Variants in RGS21 observed in about 807,000 individuals in gnomAD.
RGS21 encodes regulator of G protein signaling 21.
RGS21 carries 19 observed loss-of-function variants against 18.7 expected under a neutral mutation model. The observed-to-expected ratio is 1.01, with a 90% confidence interval of 0.71 to 1.49. The LOEUF (loss-of-function observed/expected upper bound fraction) is 1.49, where lower values mean the gene tolerates loss of function less well. RGS21 is among the 40% of genes most tolerant of loss of function. The pLI, the probability that RGS21 is intolerant of heterozygous loss-of-function variation, is 0.00. For synonymous variants in RGS21, 56 were observed against 57.8 expected, an observed-to-expected ratio of 0.97 and a Z score of 0.14; for missense variants, 194 against 176.8, an observed-to-expected ratio of 1.10 and a Z score of -0.55.
At chr1:192,337,495 C>T (rs924271926) in intron 1 of RGS21, among the ~76,000 whole-genome samples, 1 of 152,012 alleles carries the variant, frequency 6.6e-6, no homozygotes, top group Admixed American at 6.6e-5. Flanking sequence ...TCTCCCATGA[C>T]TGCTACTCTG....
chr1:192,331,479 G>A (rs1015411812), intron 1 of RGS21, among the ~76,000 whole-genome samples: 12 of 151,982 alleles, frequency 7.9e-5, no homozygotes, highest in South Asian at 4.2e-4. Flanking sequence ...CATGGGAGGC[G>A]GAGGTTGCAG....
Position 192,366,974 on chromosome 1 carries a change from C to A in RGS21, c.*850C>A, listed in dbSNP as rs1224936580. ...CTGATACTTGTTTATAAAACCCAAA[C>A]AATTTTTAAATGCATTTATTTTGAG... On this transcript the variant is annotated 3_prime_UTR_variant, in exon 5 of 5. Coordinates refer to ENST00000417209, the MANE Select transcript of RGS21 (RefSeq NM_001039152.3). 1 of 151,616 alleles carries A rather than the reference C, an allele frequency of 6.6e-6. No homozygotes were observed. Among genetic ancestry groups the A allele is most frequent in the Non-Finnish European group, 1.5e-5 (1 of 67,954 alleles). The allele number at this position is 151,616 out of a possible 1,614,324, so 9.4% of individuals were successfully genotyped here.
intron 4 of RGS21, among the ~76,000 whole-genome samples, chr1:192,354,082 A>G (rs1252381161): frequency 4.6e-5 from 7 of 151,658 alleles, no homozygotes; most frequent in African/African-American, 1.2e-4. Flanking sequence ...ACCGATTGCA[A>G]TCTTCAAGGT....
chr1:192,355,800 A>G (rs1659103492), intron 4 of RGS21, among the ~76,000 whole-genome samples: 1 of 151,164 alleles, frequency 6.6e-6, no homozygotes, highest in Non-Finnish European at 1.5e-5. Flanking sequence ...TCAGCTAAGA[A>G]ATTAACATAT....
At chr1:192,354,662 C>T (rs1659088074) in intron 4 of RGS21, among the ~76,000 whole-genome samples, 1 of 151,654 alleles carries the variant, frequency 6.6e-6, no homozygotes, top group African/African-American at 2.4e-5. Context: ...TGAGGATATT[C>T]TCAGTTTTTC....
At chr1:192,350,834 A>G (rs1041885545) in intron 3 of RGS21, among the ~76,000 whole-genome samples, 1 of 152,182 alleles carries the variant, frequency 6.6e-6, no homozygotes, top group African/African-American at 2.4e-5. Flanking sequence ...GCCAAAGAAA[A>G]ATGTTTCCTG....
intron 4 of RGS21, 71 bp from the exon 5 acceptor site, chr1:192,365,850 T>C (rs1367375600): frequency 6.3e-6 from 5 of 798,444 alleles, no homozygotes; most frequent in Non-Finnish European, 1.0e-5. Flanking sequence ...GAATTTTAAA[T>C]AATATATATG....
intron 1 of RGS21, among the ~76,000 whole-genome samples, chr1:192,321,382 ATAAACT>A (rs1160723713): frequency 6.6e-6 from 1 of 151,984 alleles, no homozygotes; most frequent in East Asian, 1.9e-4. Context: ...TAAGTGCCTA[ATAAACT>A]TAAAATGATT....
chr1:192,347,043 T>C (rs1557978981), intron 2 of RGS21, among the ~76,000 whole-genome samples: 1 of 152,198 alleles, frequency 6.6e-6, no homozygotes, highest in Non-Finnish European at 1.5e-5. Flanking sequence ...ACAGAACCGA[T>C]ATCTTTTATG....
In RGS21 at chr1:192,366,561, TG is replaced by T. The variant is rs1336687867; in HGVS notation, c.*438del. 1.3e-5 allele frequency: 2 copies of T among 152,662 alleles called. No individual in the cohort carries two copies. The highest frequency in any genetic ancestry group is 2.9e-5 in the Non-Finnish European group (2 of 68,432). 9.5% of individuals were successfully genotyped at this position (152,662 alleles called of 1,614,324 possible). ...CAAGCTTTCATTTAATATATTTAAC[TG>T]TTTTTTTTCTGCCATTTCTTTCCAA... On this transcript the variant is annotated 3_prime_UTR_variant, in exon 5 of 5. Coordinates refer to ENST00000417209, the MANE Select transcript of RGS21 (RefSeq NM_001039152.3).
intron 1 of RGS21, among the ~76,000 whole-genome samples, chr1:192,341,661 G>A (rs7555127): frequency 0.29 from 43,687 of 151,820 alleles, 7,185 homozygotes; most frequent in African/African-American, 0.44. Flanking sequence ...AAGCATGCTT[G>A]CAATTGCACT....
chr1:192,360,659 A>C (rs1314903186), intron 4 of RGS21, among the ~76,000 whole-genome samples: 1 of 152,000 alleles, frequency 6.6e-6, no homozygotes, highest in Non-Finnish European at 1.5e-5. Flanking sequence ...CGTTGGCCTC[A>C]GAATAAGTAA....
At chr1:192,344,487 C>T (rs1331988519) in intron 2 of RGS21, among the ~76,000 whole-genome samples, 1 of 152,054 alleles carries the variant, frequency 6.6e-6, no homozygotes, top group Admixed American at 6.6e-5. Context: ...TAAATGAAGT[C>T]TATGATATGC....
chr1:192,326,762 C>T (rs769536769), intron 1 of RGS21, among the ~76,000 whole-genome samples: 1 of 152,100 alleles, frequency 6.6e-6, no homozygotes, highest in Non-Finnish European at 1.5e-5. Context: ...ATATTCTTCC[C>T]AAACTTTGGA....
chr1:192,337,265 C>T (rs942710793), intron 1 of RGS21, among the ~76,000 whole-genome samples: 1 of 151,922 alleles, frequency 6.6e-6, no homozygotes, highest in Admixed American at 6.6e-5. Context: ...AATCATTCCT[C>T]TCAGTATGTC....
chr1:192,343,993 C>T (rs1321261950), intron 2 of RGS21, among the ~76,000 whole-genome samples: 1 of 151,966 alleles, frequency 6.6e-6, no homozygotes, highest in Non-Finnish European at 1.5e-5. Flanking sequence ...TCTTTCTTAA[C>T]ATTTATATAG....
At chr1:192,322,089 GC>G (rs1658505376) in intron 1 of RGS21, among the ~76,000 whole-genome samples, 1 of 152,098 alleles carries the variant, frequency 6.6e-6, no homozygotes, top group Admixed American at 6.6e-5. Context: ...GCAGGGGACT[GC>G]AGCTGATAAC....
chr1:192,331,462 G>A (rs373807152), intron 1 of RGS21, among the ~76,000 whole-genome samples: 3 of 151,924 alleles, frequency 2.0e-5, no homozygotes, highest in Non-Finnish European at 4.4e-5. Context: ...CAGGGGAATC[G>A]ATTGAACATG....
chr1:192,350,865 T>C (rs1659030986), intron 3 of RGS21, among the ~76,000 whole-genome samples: 1 of 152,010 alleles, frequency 6.6e-6, no homozygotes, highest in African/African-American at 2.4e-5. Flanking sequence ...ATGAGGAAAA[T>C]AGAGAAGGAA....
Sources: gnomAD v4.1 joint callset for allele counts (sites outside exome capture counted in the v4.1 genomes callset) on GRCh38, gnomAD v4.1.1 for gene constraint, MANE v1.5 for transcripts, NCBI Gene and HGNC (gene_info 2026-07-23, HGNC 2026-07-21) for gene names.